SIGLEC5: variants seen among roughly 807,000 people sequenced by gnomAD.
SIGLEC5 encodes sialic acid binding Ig like lectin 5, also known as sialic acid-binding Ig-like lectin 5.
SIGLEC5 carries 34 observed loss-of-function variants against 45.9 expected under a neutral mutation model. That is an observed-to-expected ratio of 0.74 (90% CI 0.56 to 0.99). The LOEUF (loss-of-function observed/expected upper bound fraction) is 0.99, where lower values mean the gene tolerates loss of function less well. Among genes scored for constraint, SIGLEC5 ranks in the 50% least tolerant of loss-of-function variants. The pLI, the probability that SIGLEC5 is intolerant of heterozygous loss-of-function variation, is 0.00. For missense variants in SIGLEC5, 508 were observed against 629.6 expected (o/e 0.81, Z 2.07); for synonymous variants, 203 against 258.6 (o/e 0.79, Z 2.06).
Position 51,629,601 on chromosome 19 carries a change from G to T in SIGLEC5, c.457C>A (p.Pro153Thr). 2 of 1,456,140 alleles carry T rather than the reference G, an allele frequency of 1.4e-6. No individual in the cohort carries two copies. The highest frequency in any genetic ancestry group is 2.5e-5 in the East Asian group (1 of 40,602). The allele number at this position is 1,456,140 out of a possible 1,614,324, so 90.2% of individuals were successfully genotyped here. Residue 153 changes from proline to threonine, a missense_variant, in exon 3 of 9, where the codon CCT becomes ACT. Physicochemically the swap from Pro to Thr is conservative, Grantham distance 38. Coordinates refer to ENST00000683636, the MANE Select transcript of SIGLEC5 (RefSeq NM_003830.4). ...IEKPDIHFLE[P>T]LESGRPTRLS... ...CTTGTGGGGCGGCCGGACTCCAGAG[G>T]CTCCAGAAAGTGGATGTCGGGTTTC...
chr19:51,617,882 T>C (rs967942828), intron 8 of SIGLEC5, among the ~76,000 whole-genome samples: 1 of 151,908 alleles, frequency 6.6e-6, no homozygotes, highest in Non-Finnish European at 1.5e-5. Context: ...GTAGAAAATA[T>C]CAACATTGTA....
intron 8 of SIGLEC5, among the ~76,000 whole-genome samples, chr19:51,622,466 G>GA (rs34333806): frequency 0.3 from 43,390 of 145,752 alleles, 7,141 homozygotes; most frequent in African/African-American, 0.46. Flanking sequence ...ACATTAAAGT[G>GA]AAAAAAAAAA....
At chr19:51,628,601 G>A (rs953147396) in intron 4 of SIGLEC5, among the ~76,000 whole-genome samples, 2 of 150,240 alleles carry the variant, frequency 1.3e-5, no homozygotes, top group Non-Finnish European at 2.9e-5. Context: ...GTGCGTGTGC[G>A]GGTGTACGTA....
Position 51,628,034 on chromosome 19 carries a change from C to T in SIGLEC5, c.797G>A (p.Arg266Gln), listed in dbSNP as rs761011703. 2.4e-5 allele frequency: 39 copies of T among 1,598,116 alleles called. No individual in the cohort carries two copies. The South Asian group carries it at 2.7e-4, about 11-fold the overall frequency. ...YLPVLEGQAL[R>Q]LLCDAPSNPP... ...GTTGCTGGGAGCATCACAGAGCAGC[C>T]GCAGAGCCTGGCCCTCCAGGACCGG... The change falls in exon 5 of 9, where the codon CGG (arginine) becomes CAG (glutamine). Residue 266 changes from arginine to glutamine, a missense_variant. By Grantham distance (43) the Arg-to-Gln change is conservative. Around this residue, in one of 2 missense-constraint regions of SIGLEC5, gnomAD observed 431 missense variants for 428.8 expected, o/e 1.01. Transcript: ENST00000683636.
chr19:51,615,047 C>T (rs1267630572), intron 8 of SIGLEC5, among the ~76,000 whole-genome samples: 2 of 152,230 alleles, frequency 1.3e-5, no homozygotes, highest in African/African-American at 4.8e-5. Context: ...TGCAGGACGT[C>T]AAACTCCAGG....
chr19:51,616,374 T>A (rs1282920924), intron 8 of SIGLEC5, among the ~76,000 whole-genome samples: 3 of 152,192 alleles, frequency 2.0e-5, no homozygotes, highest in African/African-American at 7.2e-5. Flanking sequence ...AAAGTGTGCA[T>A]GCAAAATGAA....
At position 51,627,493 on chromosome 19, in the gene SIGLEC5, C is replaced by T. The variant is rs1983532673; in HGVS notation, c.1251G>A (p.Gly417=). The T allele has an allele frequency of 1.2e-6, 2 of 1,613,838 alleles. No homozygotes were observed. Among genetic ancestry groups the T allele is most frequent in the Non-Finnish European group, 1.7e-6 (2 of 1,180,000 alleles). Residue 417 remains glycine, a synonymous_variant, in exon 6 of 9, where the codon GGG becomes GGA. Transcript: ENST00000683636. ...KVSCKAWNIY[G]SQSGSVLLLQ... ...GCAGCAGGACAGAGCCGCTCTGGGA[C>T]CCATAGATGTTCCAGGCCTTGCAGC...
At chr19:51,627,417 T>C in intron 6 of SIGLEC5, 45 bp downstream of exon 6, 3 of 1,576,994 alleles carry the variant, frequency 1.9e-6, no homozygotes, top group East Asian at 2.2e-5. Flanking sequence ...CTGGGATCCA[T>C]GCCCCTCCCC....
rs1175797088 is a variant in SIGLEC5 at position 51,629,423 on chromosome 19, G to C, written c.635C>G (p.Thr212Ser). ...AGCTCCTTGGCGTTTCATCTGACAG[G>C]TGAGGTTGGTGCCATGGTCCTCGGG... ...PRPEDHGTNL[T>S]CQMKRQGAQV... Residue 212 changes from threonine to serine, a missense_variant, in exon 3 of 9, where the codon ACC becomes AGC. Thr to Ser is a moderately conservative substitution (Grantham distance 58). Coordinates refer to ENST00000683636, the MANE Select transcript of SIGLEC5 (RefSeq NM_003830.4). The C allele has an allele frequency of 3.1e-6, 5 of 1,613,710 alleles. No homozygotes were observed. Among genetic ancestry groups the C allele is most frequent in the Admixed American group, 1.7e-5 (1 of 59,956 alleles).
At chr19:51,617,170 G>T (rs1316576632) in intron 8 of SIGLEC5, among the ~76,000 whole-genome samples, 3 of 150,566 alleles carry the variant, frequency 2.0e-5, no homozygotes, top group Non-Finnish European at 4.4e-5. Flanking sequence ...CAGGAGAATG[G>T]CGTGAACCCG....
intron 8 of SIGLEC5, among the ~76,000 whole-genome samples, chr19:51,624,605 C>T (rs1177212293): frequency 2.6e-5 from 4 of 152,158 alleles, no homozygotes; most frequent in South Asian, 2.1e-4. Flanking sequence ...AGAGGAGACA[C>T]GCTGGACAGA....
chr19:51,629,723 A>G, intron 2 of SIGLEC5, 87 bp from the exon 3 acceptor site: 1 of 852,826 alleles, frequency 1.2e-6, no homozygotes. Context: ...TCAGGCCCCG[A>G]CCTGCCCCAA....
At chr19:51,613,878 C>T (rs1175295609) in intron 8 of SIGLEC5, among the ~76,000 whole-genome samples, 1 of 151,918 alleles carries the variant, frequency 6.6e-6, no homozygotes, top group Non-Finnish European at 1.5e-5. Context: ...CTGACCTAGG[C>T]AGGAGGAGCG....
intron 8 of SIGLEC5, among the ~76,000 whole-genome samples, chr19:51,616,383 A>C (rs1275836952): frequency 6.6e-6 from 1 of 152,246 alleles, no homozygotes; most frequent in Admixed American, 6.5e-5. Context: ...ATGCAAAATG[A>C]ATGTGAAACA....
intron 8 of SIGLEC5, among the ~76,000 whole-genome samples, chr19:51,620,099 C>G (rs1983228081): frequency 6.6e-6 from 1 of 151,128 alleles, no homozygotes; most frequent in Admixed American, 6.6e-5. Flanking sequence ...GAACACGTCC[C>G]TAGAATAAAG....
Position 51,612,183 on chromosome 19 carries a change from C to G in SIGLEC5, c.*48G>C. ...GTGGTCCCTGACTTGTCCTTTCCCC[C>G]AGACAGGCTGTGGCTCCTCCAGCCA... On this transcript the variant is annotated 3_prime_UTR_variant, in exon 9 of 9. Transcript: ENST00000683636. 1.4e-6 allele frequency: 2 copies of G among 1,479,416 alleles called. No individual in the cohort carries two copies. Among genetic ancestry groups the G allele is most frequent in the Middle Eastern group, 2.5e-4 (1 of 4,050 alleles). 91.6% of individuals were successfully genotyped at this position (1,479,416 alleles called of 1,614,324 possible). A position where few individuals can be genotyped will look rare whatever the true frequency, so the allele number is the denominator to read the frequency against.
In SIGLEC5 at chr19:51,610,976, T is replaced by C. The variant is rs888685375; in HGVS notation, c.*1255A>G. On this transcript the variant is annotated 3_prime_UTR_variant, in exon 9 of 9. Transcript: ENST00000683636. ...TTCTACTCATTTTTTCCCCAAAAGA[T>C]TTTATTATTTTCAACACAAGGCTTG... Among the ~76,000 whole-genome samples, 1 of 152,208 alleles carries C rather than the reference T, an allele frequency of 6.6e-6. No individual in the cohort carries two copies. Among genetic ancestry groups the C allele is most frequent in the African/African-American group, 2.4e-5 (1 of 41,460 alleles).
intron 8 of SIGLEC5, chr19:51,621,824 C>T (rs1395926136): frequency 1.3e-5 from 2 of 152,048 alleles, no homozygotes; most frequent in African/African-American, 4.8e-5. Flanking sequence ...TTTCATTCTG[C>T]ATTCTGATAA....
intron 8 of SIGLEC5, among the ~76,000 whole-genome samples, chr19:51,612,777 T>G (rs1271419015): frequency 6.6e-6 from 1 of 152,176 alleles, no homozygotes; most frequent in Non-Finnish European, 1.5e-5. Flanking sequence ...TCCACAGAAC[T>G]CCTGCCTGCT....
Sources: gnomAD v4.1 joint callset for allele counts (sites outside exome capture counted in the v4.1 genomes callset) on GRCh38, gnomAD v4.1.1 for gene constraint, gnomAD v4.1.1 regional missense constraint, MANE v1.5 for transcripts, NCBI Gene and HGNC (gene_info 2026-07-23, HGNC 2026-07-21) for gene names.